RICTOR: variants seen among roughly 807,000 people sequenced by gnomAD.
The protein encoded by RICTOR is RPTOR independent companion of MTOR complex 2.
A neutral mutation model predicts 214.9 loss-of-function variants in RICTOR; 49 were observed. The ratio of observed to expected loss-of-function variants is 0.23; its 90% CI spans 0.18 to 0.29. RICTOR has a LOEUF of 0.29. RICTOR is among the 10% of genes least tolerant of loss of function. The pLI, the probability that RICTOR is intolerant of heterozygous loss-of-function variation, is 1.00. For synonymous variants in RICTOR, 717 were observed against 711.3 expected, an observed-to-expected ratio of 1.01 and a Z score of -0.13; for missense variants, 1,625 against 2,047.0, an observed-to-expected ratio of 0.79 and a Z score of 3.98.
intron 10 of RICTOR, among the ~76,000 whole-genome samples, chr5:38,973,642 T>G (rs935646745): frequency 2.6e-5 from 4 of 152,208 alleles, no homozygotes; most frequent in Non-Finnish European, 5.9e-5. Flanking sequence ...CTCTTTAGAT[T>G]CAGGATCAAA....
chr5:38,982,110 T>C, intron 7 of RICTOR, 74 bp from the exon 8 acceptor site: 1 of 1,081,112 alleles, frequency 9.2e-7, no homozygotes, highest in Non-Finnish European at 1.4e-6. Flanking sequence ...GCTTTAAAAC[T>C]TAATTGCCTT....
intron 2 of RICTOR, among the ~76,000 whole-genome samples, chr5:39,035,955 AAC>A (rs1194063082): frequency 6.6e-6 from 1 of 152,132 alleles, no homozygotes. Flanking sequence ...AGATTCAGGA[AAC>A]ACACAGAACG....
Position 38,996,290 on chromosome 5 carries a change from T to A in RICTOR, c.456+529A>T, listed in dbSNP as rs142803698. Among the ~76,000 whole-genome samples the A allele has an allele frequency of 5.3e-5, 8 of 152,310 alleles. No homozygotes were observed. In the East Asian group the frequency reaches 1.5e-3, roughly 29 times the overall value. Reference sequence around the variant, plus strand: ...CAACAAAGCATTCCCTGAAGGCCTCTCAAGAGAAGCATTATGGATTGTCCT... The same window carrying A: ...CAACAAAGCATTCCCTGAAGGCCTCACAAGAGAAGCATTATGGATTGTCCT... On this transcript the variant is annotated intron_variant, in intron 6 of 37. Coordinates refer to ENST00000357387, the MANE Select transcript of RICTOR (RefSeq NM_152756.5).
rs544179436 is a variant in RICTOR at position 39,029,689 on chromosome 5, T to C, written c.98-8553A>G. Among the ~76,000 whole-genome samples the C allele has an allele frequency of 1.5e-3, 232 of 152,306 alleles. 1 individual carries two copies. In the South Asian group the frequency reaches 0.016, roughly 10 times the overall value. ...GTCTAGCTCATTCACCCCTAAACCA[T>C]GTAGCCTTGGCTAAATCACTTAACT... On this transcript the variant is annotated intron_variant, in intron 2 of 37. Transcript: ENST00000357387.
At chr5:39,049,960 C>T (rs574675889) in intron 2 of RICTOR, among the ~76,000 whole-genome samples, 1 of 152,008 alleles carries the variant, frequency 6.6e-6, no homozygotes, top group Non-Finnish European at 1.5e-5. Context: ...GGGGGAAATG[C>T]AATACTCAAA....
rs754645404 is a variant in RICTOR, at chr5:38,941,843, T to A, written c.*461A>T. The A allele has an allele frequency of 4.3e-6, 1 of 233,464 alleles. No homozygotes were observed. 14.5% of individuals were successfully genotyped at this position (233,464 alleles called of 1,614,324 possible). ...GTTATAGCACACCCCATTGTGGTAATAGGATGCAGCCTTAGAGACACTGAT... is the reference window on the plus strand; with the variant it reads ...GTTATAGCACACCCCATTGTGGTAAAAGGATGCAGCCTTAGAGACACTGAT... On this transcript the variant is annotated 3_prime_UTR_variant, in exon 38 of 38. Coordinates refer to ENST00000357387, the MANE Select transcript of RICTOR (RefSeq NM_152756.5).
At chr5:38,989,827 G>A (rs185569542) in intron 7 of RICTOR, among the ~76,000 whole-genome samples, 9 of 152,216 alleles carry the variant, frequency 5.9e-5, no homozygotes, top group African/African-American at 1.4e-4. Context: ...TAAGAATGGC[G>A]ATCATTAAAA....
At chr5:39,056,649 G>C (rs1288643152) in intron 2 of RICTOR, among the ~76,000 whole-genome samples, 1 of 151,286 alleles carries the variant, frequency 6.6e-6, no homozygotes, top group Non-Finnish European at 1.5e-5. Context: ...AAAAGAAAAG[G>C]CAAAACGATT....
intron 14 of RICTOR, 113 bp from the exon 15 acceptor site, chr5:38,966,834 T>C: frequency 1.6e-6 from 1 of 619,376 alleles, no homozygotes; most frequent in Non-Finnish European, 2.8e-6. Flanking sequence ...AGAGGCTTGC[T>C]CTGTTGCCCA....
chr5:38,996,714 TTA>T (rs1368537109), intron 6 of RICTOR, 103 bp downstream of exon 6: 4 of 633,766 alleles, frequency 6.3e-6, no homozygotes, highest in African/African-American at 5.6e-5. Context: ...TAATAAAAGT[TTA>T]GTCTTTAATC....
rs570442958 is a variant in RICTOR, at chr5:38,969,278, T to C, written c.973-1248A>G. ...TGAGCCACCGCACCTGGCCTGTGTT[T>C]TTGTTTTTAACAAAAAAGTTTAAAA... On this transcript the variant is annotated intron_variant, in intron 11 of 37. Transcript: ENST00000357387. Among the ~76,000 whole-genome samples, 3 of 152,072 alleles carry C rather than the reference T, an allele frequency of 2.0e-5. No individual in the cohort carries two copies. In the East Asian group the frequency reaches 5.8e-4, roughly 29 times the overall value.
intron 3 of RICTOR, among the ~76,000 whole-genome samples, chr5:39,020,389 T>C (rs1460245863): frequency 6.6e-6 from 1 of 152,074 alleles, no homozygotes; most frequent in African/African-American, 2.4e-5. Flanking sequence ...ATCGCTACAG[T>C]CACCTTAACC....
intron 30 of RICTOR, 82 bp downstream of exon 30, chr5:38,952,114 G>GT: frequency 2.4e-6 from 2 of 846,024 alleles, no homozygotes; most frequent in Non-Finnish European, 3.8e-6. Flanking sequence ...AATTACAAAT[G>GT]TAACAAATAC....
chr5:38,949,812 A>G lies in RICTOR; in HGVS notation c.4036T>C (p.Ser1346Pro). 6.2e-7 allele frequency: 1 copy of G among 1,613,512 alleles called. No homozygotes were observed. ...GGAGATGCCAAAGCTTCAGAGTGAG[A>G]TAAGGATGGATGCATTCTTTGTTGC... ...LQQQRMHPSLSHSEALASPAK... is the reference protein window; with the variant it reads ...LQQQRMHPSLPHSEALASPAK... The change falls in exon 31 of 38, where the codon TCT becomes CCT. Residue 1346 changes from serine to proline, a missense_variant. Ser to Pro is a moderately conservative substitution (Grantham distance 74). This residue lies in a region of RICTOR where 1,214 missense variants were observed against 1,470.5 expected (regional missense o/e 0.83). Coordinates refer to ENST00000357387, the MANE Select transcript of RICTOR (RefSeq NM_152756.5).
At chr5:39,069,564 G>T (rs1045771107) in intron 2 of RICTOR, among the ~76,000 whole-genome samples, 2 of 152,190 alleles carry the variant, frequency 1.3e-5, no homozygotes, top group Non-Finnish European at 2.9e-5. Flanking sequence ...ATTCACACTG[G>T]ATGGGCAGCC....
chr5:38,956,095 T>A (rs557049877), intron 25 of RICTOR, among the ~76,000 whole-genome samples: 1 of 152,188 alleles, frequency 6.6e-6, no homozygotes, highest in African/African-American at 2.4e-5. Context: ...ATTTACTGTA[T>A]CCAATCAGCC....
At position 38,962,375 on chromosome 5, in the gene RICTOR, ATATGT is replaced by A. The variant is rs1402193923; in HGVS notation, c.1669-19_1669-15del. Reference sequence around the variant, plus strand: ...TACATTTGGCCACTAGAAAAACATAATATGTTATATTACATATGTACTTATCAATT... The same window carrying A: ...TACATTTGGCCACTAGAAAAACATAATATATTACATATGTACTTATCAATT... On this transcript the variant is annotated splice_polypyrimidine_tract_variant and intron_variant, in intron 18 of 37. Coordinates refer to ENST00000357387, the MANE Select transcript of RICTOR (RefSeq NM_152756.5). The A allele has an allele frequency of 7.8e-6, 10 of 1,290,004 alleles. No homozygotes were observed. The highest frequency in any genetic ancestry group is 2.0e-4 in the Middle Eastern group (1 of 4,882). The allele number at this position is 1,290,004 out of a possible 1,614,324, so 79.9% of individuals were successfully genotyped here.
chr5:39,037,915 T>C (rs1028280863), intron 2 of RICTOR, among the ~76,000 whole-genome samples: 7 of 152,200 alleles, frequency 4.6e-5, no homozygotes, highest in Non-Finnish European at 8.8e-5. Context: ...TATCATTCCT[T>C]CTGAAACTAT....
rs540418555 is a variant in RICTOR, at chr5:39,063,526, C to T, written c.97+10585G>A. The stretch of plus-strand genomic sequence containing the variant: ...GGTCTTACAATTGTCATTATATCTT[C>T]ACTTCTAAGAGATCTTCCTTCTAGG... On this transcript the variant is annotated intron_variant, in intron 2 of 37. Coordinates refer to ENST00000357387, the MANE Select transcript of RICTOR (RefSeq NM_152756.5). Among the ~76,000 whole-genome samples, 5 of 152,294 alleles carry T rather than the reference C, an allele frequency of 3.3e-5. No homozygotes were observed. The East Asian group carries it at 9.6e-4, about 29-fold the overall frequency.
Sources: gnomAD v4.1 joint callset for allele counts (sites outside exome capture counted in the v4.1 genomes callset) on GRCh38, gnomAD v4.1.1 for gene constraint, gnomAD v4.1.1 regional missense constraint, MANE v1.5 for transcripts, NCBI Gene and HGNC (gene_info 2026-07-23, HGNC 2026-07-21) for gene names.